Variants in SMG6 observed in about 807,000 individuals in gnomAD.
SMG6 encodes telomerase-binding protein EST1A.
A neutral mutation model predicts 142.2 loss-of-function variants in SMG6; 66 were observed. The ratio of observed to expected loss-of-function variants is 0.46; its 90% CI spans 0.38 to 0.57. SMG6 has a LOEUF of 0.57. SMG6 is among the 20% of genes least tolerant of loss of function. SMG6 has a pLI of 0.00. For missense variants in SMG6, 1,793 were observed against 1,832.0 expected, an observed-to-expected ratio of 0.98 and a Z score of 0.39; for synonymous variants, 779 against 702.4, an observed-to-expected ratio of 1.11 and a Z score of -1.72.
intron 13 of SMG6, chr17:2,087,778 AC>A: frequency 1.0e-6 from 1 of 985,978 alleles, no homozygotes. Context: ...GGCAGGCAGC[AC>A]GCACAGTGGC....
intron 10 of SMG6, among the ~76,000 whole-genome samples, chr17:2,210,774 T>A (rs58146172): frequency 0.36 from 47,825 of 133,430 alleles, 8,850 homozygotes; most frequent in African/African-American, 0.41. Context: ...AAAAATAAAA[T>A]AAAAAAAAAA....
intron 16 of SMG6, among the ~76,000 whole-genome samples, 157 bp from the exon 17 acceptor site, chr17:2,065,836 T>G (rs1175449151): frequency 6.6e-6 from 1 of 152,180 alleles, no homozygotes; most frequent in East Asian, 1.9e-4. Flanking sequence ...GGGGAGCTTG[T>G]GGGGGCAAGA....
intron 8 of SMG6, among the ~76,000 whole-genome samples, chr17:2,268,077 T>C (rs1053935677): frequency 3.3e-5 from 5 of 151,900 alleles, no homozygotes; most frequent in African/African-American, 1.2e-4. Context: ...TGAAATATTT[T>C]TATTATTATT....
intron 8 of SMG6, among the ~76,000 whole-genome samples, chr17:2,263,631 C>A (rs537629607): frequency 4.6e-5 from 7 of 152,106 alleles, no homozygotes; most frequent in South Asian, 2.1e-4. Context: ...ATTTTAAATT[C>A]TTTCTGGTCT....
intron 8 of SMG6, among the ~76,000 whole-genome samples, chr17:2,270,579 G>A (rs1290384792): frequency 6.6e-6 from 1 of 152,140 alleles, no homozygotes; most frequent in Admixed American, 6.5e-5. Context: ...CTGCACTCCA[G>A]CCTGCACAAC....
intron 10 of SMG6, among the ~76,000 whole-genome samples, chr17:2,232,163 G>A (rs2073515360): frequency 6.6e-6 from 1 of 151,976 alleles, no homozygotes; most frequent in Non-Finnish European, 1.5e-5. Flanking sequence ...TGGGGTTTCA[G>A]TGCTCCCCTA....
intron 13 of SMG6, among the ~76,000 whole-genome samples, chr17:2,134,372 C>T (rs111619910): frequency 1.2e-4 from 14 of 120,560 alleles, no homozygotes; most frequent in African/African-American, 3.8e-4. Context: ...GAGCCGAGAT[C>T]GTGCCTACAA....
intron 13 of SMG6, among the ~76,000 whole-genome samples, chr17:2,162,081 A>G (rs1348649979): frequency 6.6e-6 from 1 of 152,248 alleles, no homozygotes. Flanking sequence ...AGGACTAAAC[A>G]AATATTATAA....
chr17:2,120,008 G>C (rs1482722774), intron 13 of SMG6, among the ~76,000 whole-genome samples: 4 of 151,738 alleles, frequency 2.6e-5, no homozygotes, highest in Non-Finnish European at 5.9e-5. Context: ...CGGTTTCACC[G>C]TGTTGGTAAG....
chr17:2,231,440 G>A (rs2073490305), intron 10 of SMG6, among the ~76,000 whole-genome samples: 1 of 152,178 alleles, frequency 6.6e-6, no homozygotes, highest in Non-Finnish European at 1.5e-5. Context: ...GCTCATGCCT[G>A]TAATCCCAGT....
intron 8 of SMG6, among the ~76,000 whole-genome samples, chr17:2,272,496 T>C (rs1347935641): frequency 6.6e-6 from 1 of 152,200 alleles, no homozygotes; most frequent in East Asian, 1.9e-4. Context: ...AACTTACTTG[T>C]AACCCCCAAA....
At chr17:2,230,804 C>T (rs2073469009) in intron 10 of SMG6, among the ~76,000 whole-genome samples, 1 of 152,192 alleles carries the variant, frequency 6.6e-6, no homozygotes, top group Non-Finnish European at 1.5e-5. Flanking sequence ...CTAACCTATT[C>T]TGACCTTTGA....
chr17:2,280,571 C>T, intron 8 of SMG6: 2 of 984,844 alleles, frequency 2.0e-6, no homozygotes, highest in Non-Finnish European at 2.4e-6. Context: ...CCAGAAACTG[C>T]AGATTTCTTC....
chr17:2,114,757 C>A (rs1248980270), intron 13 of SMG6, among the ~76,000 whole-genome samples: 1 of 151,584 alleles, frequency 6.6e-6, no homozygotes, highest in Non-Finnish European at 1.5e-5. Flanking sequence ...GGTGAAACCC[C>A]ATCTCTACTA....
chr17:2,135,384 C>A (rs1324420849), intron 13 of SMG6, among the ~76,000 whole-genome samples: 1 of 152,122 alleles, frequency 6.6e-6, no homozygotes, highest in African/African-American at 2.4e-5. Context: ...ACTCTAGTCA[C>A]CATGCTGTAC....
At chr17:2,269,074 G>A (rs1201131714) in intron 8 of SMG6, among the ~76,000 whole-genome samples, 1 of 151,994 alleles carries the variant, frequency 6.6e-6, no homozygotes, top group Non-Finnish European at 1.5e-5. Context: ...CATGTTGGCA[G>A]GCGCCTGTAG....
intron 16 of SMG6, chr17:2,066,011 G>A: frequency 2.8e-6 from 1 of 358,100 alleles, no homozygotes; most frequent in East Asian, 6.1e-5. Flanking sequence ...ACGTGAAAGG[G>A]TCCCTCAGGA....
At chr17:2,064,429 T>C (rs1405076031) in intron 18 of SMG6, among the ~76,000 whole-genome samples, 1 of 152,016 alleles carries the variant, frequency 6.6e-6, no homozygotes, top group Non-Finnish European at 1.5e-5. Flanking sequence ...AAAGATGAGA[T>C]TCTGCTTACC....
At chr17:2,112,332 G>A (rs759431471) in intron 13 of SMG6, among the ~76,000 whole-genome samples, 21 of 151,306 alleles carry the variant, frequency 1.4e-4, no homozygotes, top group South Asian at 4.2e-4. Context: ...GTGAAACCCC[G>A]TCTCTACTAA....
Sources: allele counts gnomAD v4.1 joint callset (sites outside exome capture counted in the v4.1 genomes callset), GRCh38; gene constraint gnomAD v4.1.1; transcripts MANE v1.5; gene names NCBI Gene and HGNC (gene_info 2026-07-23, HGNC 2026-07-21).